The following SNTG1 variants were observed in gnomAD, a reference collection of about 807,000 sequenced individuals.
SNTG1 encodes the protein gamma-1-syntrophin.
SNTG1 carries 39 observed loss-of-function variants against 74.7 expected under a neutral mutation model. That is an observed-to-expected ratio of 0.52 (90% CI 0.40 to 0.68). The LOEUF (loss-of-function observed/expected upper bound fraction) is 0.68. SNTG1 is among the 30% of genes least tolerant of loss of function. The pLI is 0.00. For missense variants in SNTG1, 685 were observed against 609.5 expected, an observed-to-expected ratio of 1.12 and a Z score of -1.30; for synonymous variants, 254 against 217.1, an observed-to-expected ratio of 1.17 and a Z score of -1.49.
intron 1 of SNTG1, among the ~76,000 whole-genome samples, chr8:50,107,956 G>T (rs977445442): frequency 1.1e-4 from 16 of 152,246 alleles, no homozygotes; most frequent in Non-Finnish European, 1.3e-4. Context: ...TTTGGTAAGC[G>T]TTAGTTTCCT....
At chr8:50,141,752 C>T (rs2131469128) in intron 1 of SNTG1, among the ~76,000 whole-genome samples, 1 of 152,074 alleles carries the variant, frequency 6.6e-6, no homozygotes, top group South Asian at 2.1e-4. Flanking sequence ...AAATGTTCTA[C>T]TAGATAGATC....
intron 2 of SNTG1, 127 bp from the exon 3 acceptor site, chr8:50,394,085 T>C: frequency 1.7e-6 from 1 of 602,482 alleles, no homozygotes. Flanking sequence ...GGAGCTCTTG[T>C]TCCTTACAAG....
Position 50,341,726 on chromosome 8 carries a change from G to A in SNTG1, c.-27-52486G>A, listed in dbSNP as rs116794983. On this transcript the variant is annotated intron_variant, in intron 2 of 18. Coordinates refer to ENST00000642720, the MANE Select transcript of SNTG1 (RefSeq NM_018967.5). The stretch of plus-strand genomic sequence containing the variant: ...GCAACTAATATTAGTAGGGTTAAGG[G>A]GAACCATTAGTGGTGCCAGTTTGTA... Among the ~76,000 whole-genome samples, 791 of 152,012 alleles carry A rather than the reference G, an allele frequency of 5.2e-3. 12 individuals are homozygous for A. Among genetic ancestry groups the A allele is most frequent in the African/African-American group, 0.015 (638 of 41,530 alleles).
intron 16 of SNTG1, among the ~76,000 whole-genome samples, chr8:50,705,289 T>G (rs1286273598): frequency 1.3e-5 from 2 of 151,868 alleles, no homozygotes; most frequent in African/African-American, 4.9e-5. Context: ...ACAACTCTTC[T>G]TCTCACTTTT....
chr8:50,089,987 T>G lies in SNTG1; in HGVS notation c.-102-82574T>G, dbSNP rs113279931. On this transcript the variant is annotated intron_variant, in intron 1 of 18. Coordinates refer to ENST00000642720, the MANE Select transcript of SNTG1 (RefSeq NM_018967.5). ...GTTTATTGCGGCATTATTCACAATA[T>G]AATTTATTTTAGAAGAGAAAATTTC... Among the ~76,000 whole-genome samples the G allele has an allele frequency of 7.2e-5, 11 of 152,280 alleles. 1 individual carries two copies. Among genetic ancestry groups the G allele is most frequent in the African/African-American group, 2.4e-4 (10 of 41,586 alleles).
intron 2 of SNTG1, among the ~76,000 whole-genome samples, chr8:50,337,993 G>A (rs1003430063): frequency 2.6e-5 from 4 of 151,936 alleles, no homozygotes; most frequent in Non-Finnish European, 5.9e-5. Context: ...AAAGTTAGCC[G>A]GGCTTGGTGG....
intron 13 of SNTG1, among the ~76,000 whole-genome samples, chr8:50,592,332 G>T (rs2130881880): frequency 6.6e-6 from 1 of 152,258 alleles, no homozygotes; most frequent in South Asian, 2.1e-4. Flanking sequence ...ATTTAAGAAT[G>T]ACTCTAGAGC....
At chr8:50,569,735 C>T (rs2094536521) in intron 12 of SNTG1, among the ~76,000 whole-genome samples, 1 of 152,138 alleles carries the variant, frequency 6.6e-6, no homozygotes, top group Non-Finnish European at 1.5e-5. Context: ...CTGACATTTT[C>T]TTCCTTTTTT....
At chr8:50,107,806 C>T (rs942256218) in intron 1 of SNTG1, among the ~76,000 whole-genome samples, 4 of 152,044 alleles carry the variant, frequency 2.6e-5, no homozygotes, top group African/African-American at 4.8e-5. Context: ...CCACCTAAGC[C>T]GCCCAAAGTG....
intron 18 of SNTG1, among the ~76,000 whole-genome samples, chr8:50,770,240 T>G (rs1051625317): frequency 2.0e-5 from 3 of 152,112 alleles, no homozygotes; most frequent in Non-Finnish European, 4.4e-5. Context: ...CTTTTGAAAT[T>G]CCACTCTTCT....
chr8:50,329,896 C>T (rs372009896), intron 2 of SNTG1, among the ~76,000 whole-genome samples: 1 of 152,104 alleles, frequency 6.6e-6, no homozygotes, highest in East Asian at 1.9e-4. Context: ...GTTCCAATTT[C>T]AGATCATCTC....
At chr8:50,305,424 G>A (rs2089847591) in intron 2 of SNTG1, among the ~76,000 whole-genome samples, 1 of 151,238 alleles carries the variant, frequency 6.6e-6, no homozygotes, top group South Asian at 2.1e-4. Context: ...ATTTGGATTT[G>A]GTTTTTCCAG....
chr8:50,012,904 C>T (rs1232601036), intron 1 of SNTG1, among the ~76,000 whole-genome samples: 1 of 150,852 alleles, frequency 6.6e-6, no homozygotes, highest in African/African-American at 2.5e-5. Flanking sequence ...TAAATGGTGT[C>T]CCAGAGCATA....
intron 1 of SNTG1, among the ~76,000 whole-genome samples, chr8:50,158,653 T>C (rs2082323204): frequency 6.6e-6 from 1 of 152,202 alleles, no homozygotes. Flanking sequence ...TTCATTGTTT[T>C]TTTCTGTTGT....
intron 1 of SNTG1, among the ~76,000 whole-genome samples, chr8:50,153,661 A>G (rs554851901): frequency 6.6e-6 from 1 of 152,288 alleles, no homozygotes; most frequent in South Asian, 2.1e-4. Flanking sequence ...AGTTTGCTGG[A>G]GGTCCACTCC....
In SNTG1 at chr8:50,213,190, A is replaced by G. The variant is rs2131926353; in HGVS notation, c.-28+40555A>G. Among the ~76,000 whole-genome samples, 3 of 152,322 alleles carry G rather than the reference A, an allele frequency of 2.0e-5. No homozygotes were observed. In the South Asian group the frequency reaches 6.2e-4, roughly 32 times the overall value. On this transcript the variant is annotated intron_variant, in intron 2 of 18. Coordinates refer to ENST00000642720, the MANE Select transcript of SNTG1 (RefSeq NM_018967.5). ...GTGCCAATAGATATTTCTAGAAGGA[A>G]ATAAATCATCATATATGTGTGGAGG...
intron 2 of SNTG1, among the ~76,000 whole-genome samples, chr8:50,276,996 A>AT: frequency 6.6e-6 from 1 of 152,006 alleles, no homozygotes. Context: ...CGCCTGGCTA[A>AT]TTTTTTGATT....
chr8:50,135,057 T>C (rs2081428947), intron 1 of SNTG1, among the ~76,000 whole-genome samples: 1 of 152,180 alleles, frequency 6.6e-6, no homozygotes, highest in Non-Finnish European at 1.5e-5. Flanking sequence ...GGCCTGGAAA[T>C]GAACATCTCT....
intron 2 of SNTG1, among the ~76,000 whole-genome samples, chr8:50,180,214 G>A (rs886413637): frequency 1.3e-5 from 2 of 152,114 alleles, no homozygotes; most frequent in African/African-American, 2.4e-5. Flanking sequence ...ACTTATATGT[G>A]GAATCTTAAG....
Sources: gnomAD v4.1 joint callset for allele counts (sites outside exome capture counted in the v4.1 genomes callset) on GRCh38, gnomAD v4.1.1 for gene constraint, MANE v1.5 for transcripts, NCBI Gene and HGNC (gene_info 2026-07-23, HGNC 2026-07-21) for gene names.